B3GALT1: variants seen among roughly 807,000 people sequenced by gnomAD.
B3GALT1 encodes beta-1,3-galactosyltransferase 1.
Under a neutral mutation model 23.2 loss-of-function variants are expected in B3GALT1, and 10 were observed. The ratio of observed to expected loss-of-function variants is 0.43; its 90% confidence interval spans 0.27 to 0.73. The LOEUF (loss-of-function observed/expected upper bound fraction) is 0.73, where lower values mean the gene tolerates loss of function less well. B3GALT1 is among the 30% of genes least tolerant of loss of function. The pLI is 0.21. For synonymous variants in B3GALT1, 156 were observed against 141.5 expected (o/e 1.10, Z -0.73); for missense variants, 299 against 405.4 (o/e 0.74, Z 2.25).
rs779524711 is a variant in B3GALT1, at chr2:167,669,476, G to A, written c.-352+22510G>A. 1.1e-4 allele frequency among the ~76,000 whole-genome samples: 16 copies of A among 152,212 alleles called. No individual in the cohort carries two copies. In the East Asian group the frequency reaches 3.1e-3, roughly 29 times the overall value. ...GGAGAGGAATAATGGACAATTCAAG[G>A]AATTTCCCAGTGTGAAATATGAAAT... On this transcript the variant is annotated intron_variant, in intron 3 of 4. Transcript: ENST00000392690.
intron 1 of B3GALT1, among the ~76,000 whole-genome samples, chr2:167,426,109 A>T (rs1698618729): frequency 6.6e-6 from 1 of 152,158 alleles, no homozygotes; most frequent in African/African-American, 2.4e-5. Flanking sequence ...GAGGAAAGAA[A>T]TTTGAGCTGC....
At chr2:167,794,233 T>C (rs755548089) in intron 3 of B3GALT1, among the ~76,000 whole-genome samples, 8 of 152,248 alleles carry the variant, frequency 5.3e-5, no homozygotes, top group Non-Finnish European at 1.0e-4. Context: ...TTCAATTATT[T>C]TTCAGCTTTA....
intron 3 of B3GALT1, among the ~76,000 whole-genome samples, chr2:167,799,827 A>C (rs1054067974): frequency 3.9e-5 from 6 of 152,182 alleles, no homozygotes; most frequent in African/African-American, 1.4e-4. Context: ...GTTTAAAGCA[A>C]ATGTTAAAGG....
intron 3 of B3GALT1, among the ~76,000 whole-genome samples, chr2:167,712,695 T>C (rs1345786729): frequency 2.6e-5 from 4 of 152,096 alleles, no homozygotes; most frequent in African/African-American, 2.4e-5. Flanking sequence ...ACAAGACCCA[T>C]TTTCTTTTGT....
chr2:167,516,655 G>C (rs1200923306), intron 2 of B3GALT1, among the ~76,000 whole-genome samples: 1 of 151,956 alleles, frequency 6.6e-6, no homozygotes, highest in African/African-American at 2.4e-5. Flanking sequence ...AGGTTAAGAT[G>C]CTCAGAATGA....
intron 1 of B3GALT1, among the ~76,000 whole-genome samples, chr2:167,325,432 A>G (rs1298990069): frequency 6.6e-6 from 1 of 151,880 alleles, no homozygotes; most frequent in East Asian, 1.9e-4. Flanking sequence ...GGAAGAAGAG[A>G]GAGAGAAGGG....
chr2:167,575,711 A>C (rs1472485102), intron 2 of B3GALT1, among the ~76,000 whole-genome samples: 2 of 151,848 alleles, frequency 1.3e-5, no homozygotes, highest in African/African-American at 4.8e-5. Flanking sequence ...GCACCTTTTA[A>C]TTGAAGTTTT....
rs1421124276 is a variant in B3GALT1, at chr2:167,623,857, A to G, written c.-409-23052A>G. ...TAGCAGGATGTTTTCACTGGACATA[A>G]GGGATGTATTTAATATATGAACTCA... On this transcript the variant is annotated intron_variant, in intron 2 of 4. Coordinates refer to ENST00000392690, the MANE Select transcript of B3GALT1 (RefSeq NM_020981.4). Among the ~76,000 whole-genome samples, 3 of 152,074 alleles carry G rather than the reference A, an allele frequency of 2.0e-5. No homozygotes were observed. In the East Asian group the frequency reaches 5.8e-4, roughly 29 times the overall value.
At chr2:167,682,438 G>A (rs748090500) in intron 3 of B3GALT1, among the ~76,000 whole-genome samples, 2 of 152,048 alleles carry the variant, frequency 1.3e-5, no homozygotes, top group African/African-American at 4.8e-5. Flanking sequence ...AAAATGCTCT[G>A]CCCTCTTCTG....
chr2:167,348,111 G>T (rs567846275), intron 1 of B3GALT1, among the ~76,000 whole-genome samples: 8 of 152,290 alleles, frequency 5.3e-5, no homozygotes, highest in Middle Eastern at 3.4e-3. Context: ...CAAAGATAGT[G>T]TATATAAACC....
chr2:167,814,809 G>GAGAT (rs1688963093), intron 3 of B3GALT1: 1 of 152,230 alleles, frequency 6.6e-6, no homozygotes, highest in Non-Finnish European at 1.5e-5. Context: ...TTTGGGCACA[G>GAGAT]AGATAGATAT....
At chr2:167,715,775 C>T in intron 3 of B3GALT1, 1 of 1,613,258 alleles carries the variant, frequency 6.2e-7, no homozygotes, top group Non-Finnish European at 8.5e-7. Flanking sequence ...TGGAATAAGG[C>T]TAAATTTTTC....
intron 2 of B3GALT1, among the ~76,000 whole-genome samples, chr2:167,569,639 G>A (rs1040285643): frequency 6.6e-6 from 1 of 151,806 alleles, no homozygotes; most frequent in Non-Finnish European, 1.5e-5. Context: ...TTCCCAATCT[G>A]TATACTTTTT....
intron 2 of B3GALT1, among the ~76,000 whole-genome samples, chr2:167,562,934 C>T (rs1266377396): frequency 6.6e-6 from 1 of 152,102 alleles, no homozygotes; most frequent in Admixed American, 6.5e-5. Flanking sequence ...TGAGTGGACA[C>T]AGCACATGTT....
intron 1 of B3GALT1, among the ~76,000 whole-genome samples, chr2:167,413,246 G>C (rs1274349192): frequency 6.6e-6 from 1 of 152,022 alleles, no homozygotes; most frequent in Non-Finnish European, 1.5e-5. Flanking sequence ...TGATCCTTTA[G>C]ATTGTACTGA....
rs553790232 is a variant in B3GALT1, at chr2:167,655,651, A to G, written c.-352+8685A>G. Among the ~76,000 whole-genome samples the G allele has an allele frequency of 8.5e-5, 13 of 152,278 alleles. No individual in the cohort carries two copies. In the East Asian group the frequency reaches 1.3e-3, roughly 16 times the overall value. On this transcript the variant is annotated intron_variant, in intron 3 of 4. Transcript: ENST00000392690. The stretch of plus-strand genomic sequence containing the variant: ...GACAGTTTGTAAATCATTTTTTCCT[A>G]TCTTTATCTGTGTGGTACAGATGGG...
At chr2:167,294,676 A>G (rs1696320980) in intron 1 of B3GALT1, among the ~76,000 whole-genome samples, 1 of 152,210 alleles carries the variant, frequency 6.6e-6, no homozygotes, top group Non-Finnish European at 1.5e-5. Flanking sequence ...AGGCTCCGGT[A>G]CTTGACTGGC....
At position 167,784,829 on chromosome 2, in the gene B3GALT1, A is replaced by G. The variant is rs547959503; in HGVS notation, c.-351-33843A>G. 4.6e-5 allele frequency among the ~76,000 whole-genome samples: 7 copies of G among 152,384 alleles called. No homozygotes were observed. The East Asian group carries it at 7.7e-4, about 17-fold the overall frequency. ...ATATCATAGCTTAACAATGATAAGA[A>G]TAGAAAAGACCCCAGTCTCATACAA... On this transcript the variant is annotated intron_variant, in intron 3 of 4. Transcript: ENST00000392690.
At chr2:167,448,188 G>C (rs559180055) in intron 1 of B3GALT1, among the ~76,000 whole-genome samples, 1 of 152,146 alleles carries the variant, frequency 6.6e-6, no homozygotes, top group Non-Finnish European at 1.5e-5. Context: ...AGTTCTTTAA[G>C]GGATATCCTC....
Sources: gnomAD v4.1 joint callset for allele counts (sites outside exome capture counted in the v4.1 genomes callset) on GRCh38, gnomAD v4.1.1 for gene constraint, MANE v1.5 for transcripts, NCBI Gene and HGNC (gene_info 2026-07-23, HGNC 2026-07-21) for gene names.